NCAM1: variants seen among roughly 807,000 people sequenced by gnomAD.
NCAM1 encodes the protein antigen recognized by monoclonal antibody 5.1H11.
A neutral mutation model predicts 109.8 loss-of-function variants in NCAM1; 14 were observed. The ratio of observed to expected loss-of-function variants is 0.13; its 90% CI spans 0.08 to 0.20. NCAM1 has a LOEUF of 0.20. NCAM1 is among the 10% of genes least tolerant of loss of function. NCAM1 has a pLI of 1.00. For missense variants in NCAM1, 774 were observed against 1,109.9 expected, an observed-to-expected ratio of 0.70 and a Z score of 4.30; for synonymous variants, 418 against 442.9, an observed-to-expected ratio of 0.94 and a Z score of 0.70.
At chr11:113,180,921 T>C (rs544926928) in intron 1 of NCAM1, among the ~76,000 whole-genome samples, 11 of 152,334 alleles carry the variant, frequency 7.2e-5, no homozygotes, top group African/African-American at 2.6e-4. Flanking sequence ...GAGATGATGT[T>C]TGTAAAGCAT....
chr11:113,202,802 C>G (rs1944109206), intron 2 of NCAM1, among the ~76,000 whole-genome samples: 1 of 152,244 alleles, frequency 6.6e-6, no homozygotes, highest in African/African-American at 2.4e-5. Context: ...GAGAACAGCA[C>G]TGGCTCAGAA....
chr11:113,015,735 A>T (rs1555075171), intron 1 of NCAM1, among the ~76,000 whole-genome samples: 2 of 152,108 alleles, frequency 1.3e-5, no homozygotes. Context: ...CATCTAAAAA[A>T]AAACAAAAAC....
chr11:113,096,865 CA>C (rs1939618439), intron 1 of NCAM1, among the ~76,000 whole-genome samples: 1 of 151,884 alleles, frequency 6.6e-6, no homozygotes, highest in Non-Finnish European at 1.5e-5. Context: ...GCTTTTTTTC[CA>C]GGTTCTGCTC....
intron 1 of NCAM1, among the ~76,000 whole-genome samples, chr11:112,984,975 C>A (rs1951259076): frequency 6.6e-6 from 1 of 151,516 alleles, no homozygotes; most frequent in Non-Finnish European, 1.5e-5. Flanking sequence ...TTGCCAAGAC[C>A]AGTGTCAAGG....
chr11:113,245,833 T>C (rs1307117891), intron 14 of NCAM1, among the ~76,000 whole-genome samples: 3 of 152,238 alleles, frequency 2.0e-5, no homozygotes, highest in Admixed American at 1.3e-4. Flanking sequence ...CTTAAGACTC[T>C]CGGGACTTTT....
intron 8 of NCAM1, among the ~76,000 whole-genome samples, chr11:113,215,599 A>G (rs1216749009): frequency 6.6e-6 from 1 of 152,238 alleles, no homozygotes; most frequent in East Asian, 1.9e-4. Flanking sequence ...TGTCCCACTA[A>G]TAGAAAACAA....
intron 19 of NCAM1, chr11:113,272,796 G>T (rs927865939): frequency 7.5e-6 from 3 of 402,038 alleles, no homozygotes; most frequent in Non-Finnish European, 1.5e-5. Flanking sequence ...TCTCTCTGTG[G>T]GCCTGTGTCC....
At chr11:113,254,801 G>A (rs1430222289) in intron 15 of NCAM1, among the ~76,000 whole-genome samples, 1 of 152,146 alleles carries the variant, frequency 6.6e-6, no homozygotes, top group African/African-American at 2.4e-5. Flanking sequence ...TTTTCTCTCT[G>A]AGGTTATGAA....
intron 1 of NCAM1, among the ~76,000 whole-genome samples, chr11:112,971,477 G>A (rs1207410196): frequency 3.3e-5 from 5 of 151,956 alleles, no homozygotes; most frequent in Non-Finnish European, 7.4e-5. Context: ...GCAAAGTTAC[G>A]TATTGAGCAT....
chr11:113,183,714 G>A lies in NCAM1; in HGVS notation c.53-18665G>A, dbSNP rs547016736. ...TTATTTAACCAGCTAGAACTCGCAT[G>A]TCCAGGGACTTATTCGTGTTCATAA... is the stretch of plus-strand genomic sequence containing the variant. On this transcript the variant is annotated intron_variant, in intron 1 of 19. Transcript: ENST00000316851. 5.6e-4 allele frequency among the ~76,000 whole-genome samples: 85 copies of A among 152,260 alleles called. 3 individuals are homozygous for A. In the South Asian group the frequency reaches 0.017, roughly 31 times the overall value.
chr11:113,185,377 A>ACT (rs1943477995), intron 1 of NCAM1, among the ~76,000 whole-genome samples: 2 of 152,162 alleles, frequency 1.3e-5, no homozygotes, highest in Non-Finnish European at 2.9e-5. Flanking sequence ...AACTGACTGG[A>ACT]TGAGGCACAC....
Position 113,271,888 on chromosome 11 carries a change from G to A in NCAM1, c.2456+12G>A. 1 of 1,548,838 alleles carries A rather than the reference G, an allele frequency of 6.5e-7. No individual in the cohort carries two copies. Among genetic ancestry groups the A allele is most frequent in the Non-Finnish European group, 8.7e-7 (1 of 1,145,362 alleles). On this transcript the variant is annotated intron_variant, in intron 19 of 19. Coordinates refer to ENST00000316851, the MANE Select transcript of NCAM1 (RefSeq NM_181351.5). ...CTGACGGAGCCCGAGTACGTGGGCT[G>A]GGAGGGGCTGGCACCTGCTCCGTAG...
At chr11:113,160,391 T>A (rs1942562667) in intron 1 of NCAM1, among the ~76,000 whole-genome samples, 1 of 152,142 alleles carries the variant, frequency 6.6e-6, no homozygotes, top group Non-Finnish European at 1.5e-5. Context: ...TAGCAAGACA[T>A]GAAGTCCGAG....
At chr11:113,243,861 T>A (rs1555119619) in intron 14 of NCAM1, 2 of 192,624 alleles carry the variant, frequency 1.0e-5, no homozygotes, top group East Asian at 1.2e-4. Context: ...AAGAAAAGAG[T>A]TTCCTGGTTC....
At chr11:113,135,776 G>C (rs1308240779) in intron 1 of NCAM1, among the ~76,000 whole-genome samples, 3 of 152,196 alleles carry the variant, frequency 2.0e-5, no homozygotes, top group Admixed American at 2.0e-4. Context: ...TAGACTGTTT[G>C]CTGAGAAAGC....
intron 19 of NCAM1, 105 bp downstream of exon 19, chr11:113,271,981 A>G: frequency 1.3e-6 from 1 of 796,556 alleles, no homozygotes; most frequent in South Asian, 1.8e-5. Context: ...TCCCGGCCAA[A>G]CAGTTCAGGC....
At chr11:113,074,554 T>C (rs1938441760) in intron 1 of NCAM1, among the ~76,000 whole-genome samples, 1 of 152,234 alleles carries the variant, frequency 6.6e-6, no homozygotes, top group Admixed American at 6.5e-5. Context: ...GCCAATATGG[T>C]AACCCTTGTC....
chr11:113,058,462 G>A (rs1380401861), intron 1 of NCAM1, among the ~76,000 whole-genome samples: 2 of 152,170 alleles, frequency 1.3e-5, no homozygotes, highest in Non-Finnish European at 2.9e-5. Flanking sequence ...CAGGGGTTTT[G>A]ATTGAGATGA....
At chr11:113,201,528 T>G (rs1244609778) in intron 1 of NCAM1, among the ~76,000 whole-genome samples, 3 of 152,170 alleles carry the variant, frequency 2.0e-5, no homozygotes, top group Admixed American at 6.5e-5. Context: ...ACCTCGAAAC[T>G]CTATTTTCAT....
Sources: gnomAD v4.1 joint callset for allele counts (sites outside exome capture counted in the v4.1 genomes callset) on GRCh38, gnomAD v4.1.1 for gene constraint, MANE v1.5 for transcripts, NCBI Gene and HGNC (gene_info 2026-07-23, HGNC 2026-07-21) for gene names.